The following AKAP12 variants were observed in gnomAD, a reference collection of about 807,000 sequenced individuals.
AKAP12 encodes A-kinase anchoring protein 12.
AKAP12 carries 32 observed loss-of-function variants against 79.9 expected under a neutral mutation model. That is an observed-to-expected ratio of 0.40 (90% CI 0.30 to 0.54). The LOEUF (loss-of-function observed/expected upper bound fraction) is 0.54. AKAP12 is among the 20% of genes least tolerant of loss of function. The pLI is 0.48. For synonymous variants in AKAP12, 808 were observed against 857.0 expected (o/e 0.94, Z 1.00); for missense variants, 2,074 against 2,177.0 (o/e 0.95, Z 0.94).
intron 4 of AKAP12, among the ~76,000 whole-genome samples, chr6:151,354,913 T>G (rs1778405909): frequency 6.6e-6 from 1 of 151,890 alleles, no homozygotes; most frequent in South Asian, 2.1e-4. Flanking sequence ...ACTCCTGGCC[T>G]CAAGAAATCC....
chr6:151,292,120 T>C (rs185136020), intron 2 of AKAP12, among the ~76,000 whole-genome samples: 36 of 152,346 alleles, frequency 2.4e-4, no homozygotes, highest in African/African-American at 8.4e-4. Context: ...TCATTCTGTA[T>C]CTTACATTTT....
chr6:151,350,675 T>C lies in AKAP12; in HGVS notation c.2284T>C (p.Phe762Leu). The C allele has an allele frequency of 6.2e-6, 10 of 1,613,744 alleles. No individual in the cohort carries two copies. The highest frequency in any genetic ancestry group is 6.8e-6 in the Non-Finnish European group (8 of 1,179,938). ...GGAGGGCGTTTCCACCTGGGAGTCA[T>C]TTAAAAGGTTAGTCACGCCAAGAAA... is the stretch of plus-strand genomic sequence containing the variant. ...EGEGVSTWES[F>L]KRLVTPRKKS... Residue 762 changes from phenylalanine (F) to leucine (L), a missense_variant, in exon 4 of 5, where the codon TTT becomes CTT. Physicochemically the swap from Phe to Leu is conservative, Grantham distance 22. Transcript: ENST00000402676. This position sits in a 1 kb window ranked among gnomAD's most constrained non-coding sequence, Gnocchi z 4.8.
chr6:151,256,948 C>CTATATGTA (rs1554319581), intron 2 of AKAP12, among the ~76,000 whole-genome samples: 5 of 145,844 alleles, frequency 3.4e-5, no homozygotes, highest in African/African-American at 5.1e-5. Context: ...CGCGCCCGGC[C>CTATATGTA]TATATATATA....
At chr6:151,283,513 A>G (rs1174433087) in intron 2 of AKAP12, among the ~76,000 whole-genome samples, 2 of 152,212 alleles carry the variant, frequency 1.3e-5, no homozygotes, top group East Asian at 3.8e-4. Flanking sequence ...CTGTAATACT[A>G]ATGGCTGACA....
chr6:151,251,897 T>C (rs1304675445), intron 2 of AKAP12, among the ~76,000 whole-genome samples: 1 of 152,150 alleles, frequency 6.6e-6, no homozygotes, highest in East Asian at 1.9e-4. Context: ...CCTGGGAAGC[T>C]GAGGCACGAG....
At chr6:151,341,708 G>GC in intron 3 of AKAP12, 1 of 1,257,216 alleles carries the variant, frequency 8.0e-7, no homozygotes, top group Non-Finnish European at 1.0e-6. Context: ...GTGCACCCAA[G>GC]CGGCAGTTCG....
intron 3 of AKAP12, among the ~76,000 whole-genome samples, chr6:151,311,652 T>C (rs569035482): frequency 6.6e-6 from 1 of 152,320 alleles, no homozygotes; most frequent in South Asian, 2.1e-4. Flanking sequence ...CCAGATATAG[T>C]AACAAATACA....
chr6:151,306,694 CAT>C (rs1776985747), intron 3 of AKAP12, among the ~76,000 whole-genome samples: 1 of 152,208 alleles, frequency 6.6e-6, no homozygotes, highest in South Asian at 2.1e-4. Flanking sequence ...ATTCTTCAAA[CAT>C]GTGGAACCTG....
chr6:151,351,456 T>C lies in AKAP12; in HGVS notation c.3065T>C (p.Val1022Ala), dbSNP rs1454788060. ...SPDTTEEATP[V>A]QEVEGGVPDI... The stretch of plus-strand genomic sequence containing the variant: ...GACACCACAGAGGAGGCCACTCCGG[T>C]GCAGGAGGTGGAAGGTGGCGTACCT... Residue 1022 changes from valine to alanine, a missense_variant, in exon 4 of 5, where the codon GTG becomes GCG. Around this residue, in one of 3 missense-constraint regions of AKAP12, gnomAD observed 1,428 missense variants for 1,451.0 expected, o/e 0.98. Coordinates refer to ENST00000402676, the MANE Select transcript of AKAP12 (RefSeq NM_005100.4). The surrounding 1 kb of genome is among the most constrained non-coding windows in gnomAD (Gnocchi z 4.4). The C allele has an allele frequency of 3.7e-6, 6 of 1,614,018 alleles. No individual in the cohort carries two copies. The highest frequency in any genetic ancestry group is 4.2e-6 in the Non-Finnish European group (5 of 1,180,028).
At chr6:151,243,977 ACT>A (rs1427895463) in intron 2 of AKAP12, among the ~76,000 whole-genome samples, 1 of 152,136 alleles carries the variant, frequency 6.6e-6, no homozygotes, top group African/African-American at 2.4e-5. Context: ...CAGGCTCCAG[ACT>A]AAGTCTGGAC....
chr6:151,321,905 T>TGTTGTTCTTTG (rs758262200), intron 3 of AKAP12, among the ~76,000 whole-genome samples: 2 of 128,418 alleles, frequency 1.6e-5, no homozygotes, highest in Admixed American at 1.5e-4. Flanking sequence ...AGCTTTATGT[T>TGTTGTTCTTTG]TTTTTTTTTT....
chr6:151,308,949 A>G (rs1321628930), intron 3 of AKAP12, among the ~76,000 whole-genome samples: 3 of 152,070 alleles, frequency 2.0e-5, no homozygotes, highest in African/African-American at 4.8e-5. Flanking sequence ...ATCTTGGCTC[A>G]CTGCAGTTTC....
rs1000422093 is a variant in AKAP12 at position 151,287,512 on chromosome 6, C to T, written c.163-18235C>T. On this transcript the variant is annotated intron_variant, in intron 2 of 4. Coordinates refer to ENST00000402676, the MANE Select transcript of AKAP12 (RefSeq NM_005100.4). ...TTGGACTCCAGCGATCTGCCCACCT[C>T]GGCCTTGGAAAGTGCTAGGATTACA... is the stretch of plus-strand genomic sequence containing the variant. 7.2e-5 allele frequency among the ~76,000 whole-genome samples: 11 copies of T among 152,262 alleles called. No homozygotes were observed. The Middle Eastern group carries it at 0.017, about 235-fold the overall frequency.
intron 2 of AKAP12, among the ~76,000 whole-genome samples, chr6:151,267,925 G>A (rs371675476): frequency 9.2e-5 from 14 of 152,288 alleles, no homozygotes; most frequent in Middle Eastern, 3.4e-3. Flanking sequence ...CTCTCTCGGC[G>A]TTTGCTGATA....
chr6:151,353,770 C>A lies in AKAP12; in HGVS notation c.*12+18C>A. 6.7e-7 allele frequency: 1 copy of A among 1,483,406 alleles called. No individual in the cohort carries two copies. Among genetic ancestry groups the A allele is most frequent in the Non-Finnish European group, 9.0e-7 (1 of 1,115,260 alleles). The allele number at this position is 1,483,406 out of a possible 1,614,324, so 91.9% of individuals were successfully genotyped here. A position where few individuals can be genotyped will look rare whatever the true frequency, so the allele number is the denominator to read the frequency against. On this transcript the variant is annotated intron_variant, in intron 4 of 4. Coordinates refer to ENST00000402676, the MANE Select transcript of AKAP12 (RefSeq NM_005100.4). The stretch of plus-strand genomic sequence containing the variant: ...TCATGCAGGTAAGCTTCCTTGTCTT[C>A]TAAGATAATTTTTCTCTTTTATGCC...
chr6:151,346,109 A>G (rs1778096458), intron 3 of AKAP12, among the ~76,000 whole-genome samples: 1 of 152,162 alleles, frequency 6.6e-6, no homozygotes, highest in African/African-American at 2.4e-5. Flanking sequence ...GTATTTTCCA[A>G]GAAGACCCAA....
chr6:151,352,387 C>G lies in AKAP12; in HGVS notation c.3996C>G (p.Pro1332=). The change falls in exon 4 of 5, where the codon CCC becomes CCG. Residue 1332 remains proline (P), a synonymous_variant. Transcript: ENST00000402676. Reference sequence around the variant, plus strand: ...GTCACGCTAAGTCTCCTCCATCCCCCGTGGAGAGAGAGATGGTAGTTCAAG... The same window carrying G: ...GTCACGCTAAGTCTCCTCCATCCCCGGTGGAGAGAGAGATGGTAGTTCAAG... ...LQSHAKSPPS[P]VEREMVVQVE... 1 of 1,614,094 alleles carries G rather than the reference C, an allele frequency of 6.2e-7. No homozygotes were observed. Among genetic ancestry groups the G allele is most frequent in the Non-Finnish European group, 8.5e-7 (1 of 1,180,018 alleles).
At chr6:151,319,052 A>G (rs1421829428) in intron 3 of AKAP12, among the ~76,000 whole-genome samples, 1 of 152,232 alleles carries the variant, frequency 6.6e-6, no homozygotes, top group African/African-American at 2.4e-5. Context: ...AAATAAATAT[A>G]TGTGGACTCA....
In AKAP12 at chr6:151,242,957, A is replaced by G. The variant is rs142696587; in HGVS notation, c.162+2233A>G. 5.7e-3 allele frequency among the ~76,000 whole-genome samples: 869 copies of G among 152,306 alleles called. 11 individuals are homozygous for G. The highest frequency in any genetic ancestry group is 0.02 in the African/African-American group (828 of 41,554). On this transcript the variant is annotated intron_variant, in intron 2 of 4. Coordinates refer to ENST00000402676, the MANE Select transcript of AKAP12 (RefSeq NM_005100.4). ...CCTTGACCTATCTGATTTTACTACA[A>G]TTTAACCCTTGATCATTTCATTATC...
Sources: allele counts gnomAD v4.1 joint callset (sites outside exome capture counted in the v4.1 genomes callset), GRCh38; gene constraint gnomAD v4.1.1; regional missense constraint gnomAD v4.1.1; non-coding constraint Gnocchi (gnomAD v3.1); transcripts MANE v1.5; gene names NCBI Gene and HGNC (gene_info 2026-07-23, HGNC 2026-07-21).